The following PTCH2 variants were observed in gnomAD, a reference collection of about 807,000 sequenced individuals.
PTCH2 encodes the protein protein patched homolog 2.
PTCH2 carries 96 observed loss-of-function variants against 117.9 expected under a neutral mutation model. That is an observed-to-expected ratio of 0.81 (90% CI 0.69 to 0.96). PTCH2 has a LOEUF of 0.96. PTCH2 is among the 50% of genes least tolerant of loss of function. The probability of loss-of-function intolerance (pLI) is 0.00; values close to 1 mark genes in which losing one functional copy is unlikely to be tolerated. For missense variants in PTCH2, 1,379 were observed against 1,562.5 expected (o/e 0.88, Z 1.98); for synonymous variants, 615 against 660.9 (o/e 0.93, Z 1.06).
intron 2 of PTCH2, among the ~76,000 whole-genome samples, chr1:44,838,931 G>T (rs1027801815): frequency 1.3e-5 from 2 of 151,978 alleles, no homozygotes; most frequent in African/African-American, 4.8e-5. Context: ...AGTTAGCCAG[G>T]CTAGCCAGGC....
rs2148874681 is a variant in PTCH2, at chr1:44,826,980, C to A, written c.2617G>T (p.Ala873Ser). 1.2e-6 allele frequency: 2 copies of A among 1,614,080 alleles called. No individual in the cohort carries two copies. Among genetic ancestry groups the A allele is most frequent in the Non-Finnish European group, 1.7e-6 (2 of 1,180,032 alleles). Reference protein sequence around the residue: ...WVSSDPLGLAASQANFYPPPP... With the variant: ...WVSSDPLGLASSQANFYPPPP... The stretch of plus-strand genomic sequence containing the variant: ...GGGGGGTAGAAGTTGGCCTGTGAGG[C>A]TGCCAGACCCAGGGGGTCACTGCTC... The change falls in exon 17 of 22, where the codon GCC becomes TCC. Residue 873 changes from alanine to serine, a missense_variant. Physicochemically the swap from Ala to Ser is moderately conservative, Grantham distance 99 (BLOSUM62 1). Transcript: ENST00000372192. This position sits in a 1 kb window ranked among gnomAD's most constrained non-coding sequence, Gnocchi z 5.1.
At chr1:44,842,395 T>G (rs1389251467) in intron 1 of PTCH2, among the ~76,000 whole-genome samples, 1 of 149,332 alleles carries the variant, frequency 6.7e-6, no homozygotes, top group African/African-American at 2.5e-5. Flanking sequence ...TTCTCCTGCC[T>G]CAGCCTCCCG....
At chr1:44,829,593 C>G (rs1653336392) in intron 8 of PTCH2, 21 bp downstream of exon 8, 1 of 1,614,190 alleles carries the variant, frequency 6.2e-7, no homozygotes, top group Non-Finnish European at 8.5e-7. Context: ...GGGCACCCCC[C>G]TTGTCCTTGT....
At position 44,828,565 on chromosome 1, in the gene PTCH2, C is replaced by T; in HGVS notation, c.1531G>A (p.Ala511Thr). The T allele has an allele frequency of 1.9e-6, 3 of 1,614,010 alleles. No individual in the cohort carries two copies. Among genetic ancestry groups the T allele is most frequent in the East Asian group, 2.2e-5 (1 of 44,872 alleles). ...ACGAGGGCAGCCATGAGGAAGGCGG[C>T]CATGTTGTTGATGGATGTGAGTACG... ...SVVLTSINNM[A>T]AFLMAALVPI... The change falls in exon 12 of 22, where the codon GCC becomes ACC. Residue 511 changes from alanine (A) to threonine (T), a missense_variant. Transcript: ENST00000372192.
chr1:44,832,147 C>T lies in PTCH2; in HGVS notation c.455+5G>A. Reference sequence around the variant, plus strand: ...CCAGCTGCTCAGGGGCTCAGCCAGACTCACTTCCCATAGAGTGATACTTGG... The same window carrying T: ...CCAGCTGCTCAGGGGCTCAGCCAGATTCACTTCCCATAGAGTGATACTTGG... On this transcript the variant is annotated splice_donor_5th_base_variant and intron_variant, in intron 3 of 21. Coordinates refer to ENST00000372192, the MANE Select transcript of PTCH2 (RefSeq NM_003738.5). 1 of 1,614,172 alleles carries T rather than the reference C, an allele frequency of 6.2e-7. No individual in the cohort carries two copies. The highest frequency in any genetic ancestry group is 8.5e-7 in the Non-Finnish European group (1 of 1,180,042).
chr1:44,822,902 G>A (rs548488350), intron 21 of PTCH2, among the ~76,000 whole-genome samples, 167 bp downstream of exon 21: 1 of 152,290 alleles, frequency 6.6e-6, no homozygotes, highest in South Asian at 2.1e-4. Flanking sequence ...AGGGCTGAGG[G>A]GCAGGAACAT....
At chr1:44,832,839 C>G (rs1237518053) in intron 2 of PTCH2, among the ~76,000 whole-genome samples, 1 of 152,082 alleles carries the variant, frequency 6.6e-6, no homozygotes, top group East Asian at 1.9e-4. Flanking sequence ...TTGCTCTGGG[C>G]AGTGATTTAT....
At position 44,822,004 on chromosome 1, in the gene PTCH2, A is replaced by C; in HGVS notation, c.*411T>G. 1 of 1,309,426 alleles carries C rather than the reference A, an allele frequency of 7.6e-7. No homozygotes were observed. The highest frequency in any genetic ancestry group is 1.0e-6 in the Non-Finnish European group (1 of 1,000,802). 81.1% of individuals were successfully genotyped at this position (1,309,426 alleles called of 1,614,324 possible). A position where few individuals can be genotyped will look rare whatever the true frequency, so the allele number is the denominator to read the frequency against. On this transcript the variant is annotated 3_prime_UTR_variant, in exon 22 of 22. Coordinates refer to ENST00000372192, the MANE Select transcript of PTCH2 (RefSeq NM_003738.5). ...CTTTCATCATAGCTAACATGTATGTATACTACAAAAATAGACATTTTCATA... is the reference window on the plus strand; with the variant it reads ...CTTTCATCATAGCTAACATGTATGTCTACTACAAAAATAGACATTTTCATA...
chr1:44,821,693 G>C (rs892269367), downstream of PTCH2: 1 of 1,084,034 alleles, frequency 9.2e-7, no homozygotes. Flanking sequence ...TCTGCTCTCG[G>C]TCTCCAGATT....
intron 11 of PTCH2, 151 bp from the exon 12 acceptor site, chr1:44,828,782 G>T: frequency 7.8e-7 from 1 of 1,277,928 alleles, no homozygotes; most frequent in Non-Finnish European, 1.1e-6. Context: ...TACGTATGAT[G>T]GGCTGTTCTA....
At chr1:44,820,125 A>G, downstream of PTCH2, 2 of 336,704 alleles carry the variant, frequency 5.9e-6, no homozygotes, top group South Asian at 4.4e-5. Context: ...AAGAGGCATC[A>G]TGCTCTAAAA....
At chr1:44,839,381 A>AAAAAC (rs1432034383) in intron 2 of PTCH2, among the ~76,000 whole-genome samples, 2 of 150,456 alleles carry the variant, frequency 1.3e-5, no homozygotes, top group African/African-American at 4.9e-5. Context: ...AAAAAAAAAA[A>AAAAAC]AACAGAAAGA....
In PTCH2 at chr1:44,826,241, C is replaced by A. The variant is rs181508787; in HGVS notation, c.3114+9G>T. On this transcript the variant is annotated intron_variant, in intron 19 of 21. Coordinates refer to ENST00000372192, the MANE Select transcript of PTCH2 (RefSeq NM_003738.5). The surrounding 1 kb of genome is among the most constrained non-coding windows in gnomAD (Gnocchi z 5.1). Reference sequence around the variant, plus strand: ...CTGATTGGTCCCTCCCCGGGGTGCCCGTGCTCACCAGAGCCACGTGGACTG... The same window carrying A: ...CTGATTGGTCCCTCCCCGGGGTGCCAGTGCTCACCAGAGCCACGTGGACTG... 3 of 1,613,640 alleles carry A rather than the reference C, an allele frequency of 1.9e-6. No individual in the cohort carries two copies. The highest frequency in any genetic ancestry group is 2.7e-5 in the African/African-American group (2 of 74,942).
intron 19 of PTCH2, among the ~76,000 whole-genome samples, chr1:44,824,069 G>A (rs1252738480): frequency 6.6e-6 from 1 of 151,970 alleles, no homozygotes; most frequent in Non-Finnish European, 1.5e-5. Context: ...TTTGTGCTTT[G>A]ATGGCAGAGT....
In PTCH2 at chr1:44,827,972, C is replaced by A. The variant is rs775581516; in HGVS notation, c.1929G>T (p.Arg643=). ...SELFSPGGST[R]DLLGQEEETR... is the part of the protein sequence containing the mutation. The stretch of plus-strand genomic sequence containing the variant: ...TCTCCTCCTCCTGGCCTAGAAGGTC[C>A]CGTGTGGACCCTCCAGGGCTGAAGA... The change falls in exon 14 of 22, where the codon CGG becomes CGT. Residue 643 remains arginine (R), a synonymous_variant. Transcript: ENST00000372192. 4 of 1,614,080 alleles carry A rather than the reference C, an allele frequency of 2.5e-6. No homozygotes were observed. In the Admixed American group the frequency reaches 5.0e-5, roughly 20 times the overall value.
chr1:44,839,383 A>C (rs1031112562), intron 2 of PTCH2, among the ~76,000 whole-genome samples: 18 of 146,736 alleles, frequency 1.2e-4, no homozygotes, highest in African/African-American at 1.7e-4. Flanking sequence ...AAAAAAAAAA[A>C]CAGAAAGAAA....
Position 44,843,031 on chromosome 1 carries a change from G to T in PTCH2, c.-99C>A, listed in dbSNP as rs1215560549. ...CCGGTACCGCTGGGCCCCGCGTAGG[G>T]ATTCAGTGGGGCCGCCAAGGCGCGG... On this transcript the variant is annotated 5_prime_UTR_variant, in exon 1 of 22. Transcript: ENST00000372192. The T allele has an allele frequency of 7.0e-7, 1 of 1,436,100 alleles. No homozygotes were observed. 89.0% of individuals were successfully genotyped at this position (1,436,100 alleles called of 1,614,324 possible).
chr1:44,828,472 C>A lies in PTCH2; in HGVS notation c.1590+34G>T, dbSNP rs11573583. The A allele has an allele frequency of 5.1e-5, 82 of 1,614,050 alleles. No homozygotes were observed. In the African/African-American group the frequency reaches 9.9e-4, roughly 19 times the overall value. On this transcript the variant is annotated intron_variant, in intron 12 of 21. Coordinates refer to ENST00000372192, the MANE Select transcript of PTCH2 (RefSeq NM_003738.5). ...GATGAAGCTTGGCCTCAGCCCCACA[C>A]CCACCCTGAGCTGCCCCGTGTGAGA...
chr1:44,825,010 T>A (rs1391483795), intron 19 of PTCH2, among the ~76,000 whole-genome samples: 1 of 152,102 alleles, frequency 6.6e-6, no homozygotes, highest in Non-Finnish European at 1.5e-5. Context: ...TTCAAAAGAA[T>A]CATTGATTCC....
Sources: gnomAD v4.1 joint callset for allele counts (sites outside exome capture counted in the v4.1 genomes callset) on GRCh38, gnomAD v4.1.1 for gene constraint, Gnocchi (gnomAD v3.1) non-coding constraint, MANE v1.5 for transcripts, NCBI Gene and HGNC (gene_info 2026-07-23, HGNC 2026-07-21) for gene names.